The following LRP5 variants were observed in gnomAD, a reference collection of about 807,000 sequenced individuals.
LRP5 encodes low-density lipoprotein receptor-related protein 5.
A neutral mutation model predicts 154.1 loss-of-function variants in LRP5; 62 were observed. The observed-to-expected ratio is 0.40, with a 90% CI of 0.33 to 0.50. The LOEUF is 0.50. Ranked by LOEUF, LRP5 falls within the 20% of genes least tolerant of loss-of-function variation. The pLI is 0.55. For missense variants in LRP5, 1,915 were observed against 2,336.7 expected (o/e 0.82, Z 3.72); for synonymous variants, 966 against 1,011.5 (o/e 0.96, Z 0.85).
chr11:68,409,095 TACACAC>T (rs201493195), intron 9 of LRP5, among the ~76,000 whole-genome samples: 1,142 of 27,764 alleles, frequency 0.041, 107 homozygotes, highest in African/African-American at 0.1. Context: ...TATATATATA[TACACAC>T]ACATACACGC....
In LRP5 at chr11:68,423,186, G is replaced by A. The variant is rs377575888; in HGVS notation, c.3028-303G>A. 2.9e-3 allele frequency among the ~76,000 whole-genome samples: 439 copies of A among 152,276 alleles called. 2 individuals are homozygous for A. The highest frequency in any genetic ancestry group is 0.01 in the African/African-American group (419 of 41,542). ...GCTGAGGAGGCCTAAAGTCCGAGGC[G>A]GCAAGAGCTCTTCCAGAGGCTGTTG... is the stretch of plus-strand genomic sequence containing the variant. On this transcript the variant is annotated intron_variant, in intron 13 of 22. Transcript: ENST00000294304. The surrounding 1 kb of genome is among the most constrained non-coding windows in gnomAD (Gnocchi z 4.7).
At chr11:68,322,530 A>G (rs2153114816) in intron 1 of LRP5, among the ~76,000 whole-genome samples, 1 of 152,364 alleles carries the variant, frequency 6.6e-6, no homozygotes, top group East Asian at 1.9e-4. Context: ...AGACCTGCCC[A>G]TCTTCTGCCC....
intron 18 of LRP5, among the ~76,000 whole-genome samples, chr11:68,435,446 G>A (rs1032095248): frequency 2.6e-5 from 4 of 151,908 alleles, no homozygotes; most frequent in African/African-American, 4.8e-5. Context: ...AAGTCGAAGC[G>A]GGAGCAGGTG....
upstream of LRP5, among the ~76,000 whole-genome samples, chr11:68,307,954 G>A (rs1020273354): frequency 6.6e-6 from 1 of 152,224 alleles, no homozygotes; most frequent in Non-Finnish European, 1.5e-5. Context: ...CTGAGGCCCA[G>A]AGAGGTGAAT....
At chr11:68,395,417 A>G (rs2098648737) in intron 7 of LRP5, among the ~76,000 whole-genome samples, 3 of 152,012 alleles carry the variant, frequency 2.0e-5, no homozygotes, top group Admixed American at 1.3e-4. Flanking sequence ...CTGGAAGCTC[A>G]TTACCTGACG....
intron 7 of LRP5, among the ~76,000 whole-genome samples, chr11:68,400,675 C>T (rs1303503499): frequency 6.6e-6 from 1 of 152,102 alleles, no homozygotes; most frequent in Non-Finnish European, 1.5e-5. Context: ...TTGCAGTGAG[C>T]CAAGATCACG....
chr11:68,385,780 C>T (rs760203451), intron 5 of LRP5, among the ~76,000 whole-genome samples: 2 of 152,014 alleles, frequency 1.3e-5, no homozygotes, highest in South Asian at 2.1e-4. Flanking sequence ...CCCCCCGGCA[C>T]GGTGCTGGGG....
chr11:68,348,918 T>C (rs55640445), intron 2 of LRP5, among the ~76,000 whole-genome samples: 1 of 150,070 alleles, frequency 6.7e-6, no homozygotes, highest in Non-Finnish European at 1.5e-5. Flanking sequence ...CACTCCAGCC[T>C]GGGCGACAAA....
intron 5 of LRP5, among the ~76,000 whole-genome samples, chr11:68,375,247 G>T (rs1281200210): frequency 2.0e-5 from 3 of 152,156 alleles, no homozygotes; most frequent in Non-Finnish European, 4.4e-5. Flanking sequence ...GTGCCCTGGG[G>T]TCAGTGATAG....
At chr11:68,443,422 G>A (rs1221477888) in intron 21 of LRP5, among the ~76,000 whole-genome samples, 5 of 136,402 alleles carry the variant, frequency 3.7e-5, no homozygotes, top group Admixed American at 1.5e-4. Context: ...CATGGGAGGC[G>A]GAGGTTGCAG....
At chr11:68,342,468 G>A (rs2098609722) in intron 1 of LRP5, among the ~76,000 whole-genome samples, 1 of 152,168 alleles carries the variant, frequency 6.6e-6, no homozygotes, top group African/African-American at 2.4e-5. Context: ...TTGCCTGCTG[G>A]GGAAGGGCAG....
chr11:68,301,404 G>A, the LRP5 span, among the ~76,000 whole-genome samples: 1 of 148,468 alleles, frequency 6.7e-6, no homozygotes, highest in Non-Finnish European at 1.5e-5. Context: ...GAGCCCAGGA[G>A]GTTGAGGCTG....
intron 6 of LRP5, among the ~76,000 whole-genome samples, chr11:68,388,332 G>A (rs2098644161): frequency 6.6e-6 from 1 of 152,088 alleles, no homozygotes; most frequent in Admixed American, 6.5e-5. Flanking sequence ...CCTCATCTGT[G>A]AAAAAGGAAG....
At chr11:68,421,626 G>A (rs17149086) in intron 13 of LRP5, among the ~76,000 whole-genome samples, 1 of 152,018 alleles carries the variant, frequency 6.6e-6, no homozygotes, top group East Asian at 1.9e-4. Flanking sequence ...TATCTACAAA[G>A]ACACATGATC....
At chr11:68,329,583 C>T (rs2098601584) in intron 1 of LRP5, among the ~76,000 whole-genome samples, 1 of 152,162 alleles carries the variant, frequency 6.6e-6, no homozygotes, top group Non-Finnish European at 1.5e-5. Flanking sequence ...CTCAGCCTGC[C>T]CATTTAATGG....
chr11:68,331,854 G>A (rs1449894340), intron 1 of LRP5, among the ~76,000 whole-genome samples: 2 of 152,154 alleles, frequency 1.3e-5, no homozygotes, highest in Non-Finnish European at 2.9e-5. Context: ...GGGTGGCTGA[G>A]CTGAGAGGCC....
At chr11:68,321,317 T>C (rs1453827427) in intron 1 of LRP5, among the ~76,000 whole-genome samples, 1 of 152,216 alleles carries the variant, frequency 6.6e-6, no homozygotes, top group Non-Finnish European at 1.5e-5. Flanking sequence ...AGATCAGTTA[T>C]GTAAATTCCC....
intron 1 of LRP5, among the ~76,000 whole-genome samples, chr11:68,328,942 C>T (rs536869997): frequency 1.3e-5 from 2 of 152,320 alleles, no homozygotes; most frequent in Non-Finnish European, 2.9e-5. Flanking sequence ...GCTGCTCTGT[C>T]GCTTTGTGAC....
chr11:68,433,094 G>A (rs1354732629), intron 17 of LRP5, among the ~76,000 whole-genome samples: 3 of 152,332 alleles, frequency 2.0e-5, no homozygotes, highest in Admixed American at 6.5e-5. Context: ...CACCACAGAG[G>A]CCTGGCCCTT....
Sources: allele counts gnomAD v4.1 joint callset (sites outside exome capture counted in the v4.1 genomes callset), GRCh38; gene constraint gnomAD v4.1.1; non-coding constraint Gnocchi (gnomAD v3.1); transcripts MANE v1.5; gene names NCBI Gene and HGNC (gene_info 2026-07-23, HGNC 2026-07-21).